The following FAM133A variants were observed in gnomAD, a reference collection of about 807,000 sequenced individuals.
FAM133A encodes family with sequence similarity 133 member A, also known as protein FAM133A.
For missense variants in FAM133A, 159 were observed against 164.4 expected (o/e 0.97, Z 0.18); for synonymous variants, 65 against 58.6 (o/e 1.11, Z -0.50).
rs1374566355 is a variant in FAM133A, at chrX:93,709,835, A to G, written c.416A>G (p.Tyr139Cys). 3 of 1,202,438 alleles carry G rather than the reference A, an allele frequency of 2.5e-6. No homozygotes were observed. The East Asian group carries it at 8.9e-5, about 36-fold the overall frequency. Residue 139 changes from tyrosine (Y) to cysteine (C), a missense_variant, in exon 4 of 4, where the codon TAC (tyrosine) becomes TGC (cysteine). Transcript: ENST00000683942. ...KRRKKKKNRSYKSSQSSTHES... is the reference protein window; with the variant it reads ...KRRKKKKNRSCKSSQSSTHES... ...AGAAAGAAAAAGAAGAACCGTTCAT[A>G]CAAATCATCCCAAAGCTCTACGCAT...
chrX:93,702,059 C>T (rs965524115), intron 3 of FAM133A, among the ~76,000 whole-genome samples: 32 of 111,701 alleles, frequency 2.9e-4, no homozygotes, highest in African/African-American at 1.0e-3. Flanking sequence ...TTAAATAATT[C>T]CTGTCGCGTG....
At chrX:93,700,186 G>C (rs1371494425) in intron 3 of FAM133A, among the ~76,000 whole-genome samples, 1 of 109,817 alleles carries the variant, frequency 9.1e-6, no homozygotes, top group Non-Finnish European at 1.9e-5. Context: ...TTATCTGCCT[G>C]TTTTTTCATT....
chrX:93,709,385 C>T lies in FAM133A; in HGVS notation c.-35C>T. The T allele has an allele frequency of 9.1e-7, 1 of 1,094,509 alleles. No individual in the cohort carries two copies. The allele number at this position is 1,094,509 out of a possible 1,213,427, so 90.2% of individuals were successfully genotyped here. On this transcript the variant is annotated 5_prime_UTR_variant, in exon 4 of 4. Transcript: ENST00000683942. ...GAGTATCTATCTTTGTTCTCCTTGGCAACTGAGAGTCTGCCCTTGGAAACA... is the reference window on the plus strand; with the variant it reads ...GAGTATCTATCTTTGTTCTCCTTGGTAACTGAGAGTCTGCCCTTGGAAACA...
chrX:93,699,913 T>C (rs967573656), intron 3 of FAM133A, among the ~76,000 whole-genome samples: 32 of 111,226 alleles, frequency 2.9e-4, no homozygotes, highest in African/African-American at 9.8e-4. Context: ...TTGGAGTTTT[T>C]ATACCATGAG....
rs1238263088 is a variant in FAM133A, at chrX:93,709,905, G to A, written c.486G>A (p.Lys162=). 2 of 1,193,924 alleles carry A rather than the reference G, an allele frequency of 1.7e-6. No homozygotes were observed. Among genetic ancestry groups the A allele is most frequent in the Non-Finnish European group, 2.3e-6 (2 of 888,665 alleles). The stretch of plus-strand genomic sequence containing the variant: ...AGGAGTCTGTAAAAAAGAAAAAGAA[G>A]TCAAAGGATGAAACAGAGAAAGAAA... ...ESKESVKKKK[K]SKDETEKEKD... The change falls in exon 4 of 4, where the codon AAG becomes AAA. Residue 162 remains lysine, a synonymous_variant. Coordinates refer to ENST00000683942, the MANE Select transcript of FAM133A (RefSeq NM_001171109.2).
chrX:93,699,901 T>C (rs1000693466), intron 3 of FAM133A, among the ~76,000 whole-genome samples: 1 of 111,239 alleles, frequency 9.0e-6, no homozygotes, highest in African/African-American at 3.3e-5. Flanking sequence ...TTAGCAGTTT[T>C]ATTGGAGTTT....
intron 3 of FAM133A, among the ~76,000 whole-genome samples, chrX:93,702,124 A>G (rs999283521): frequency 8.9e-6 from 1 of 112,001 alleles, no homozygotes; most frequent in African/African-American, 3.2e-5. Flanking sequence ...AACATTTTAC[A>G]TATTTTGTAG....
intron 2 of FAM133A, among the ~76,000 whole-genome samples, chrX:93,683,214 T>C (rs1304120243): frequency 8.9e-6 from 1 of 112,049 alleles, no homozygotes; most frequent in African/African-American, 3.2e-5. Flanking sequence ...AAAATGTCTG[T>C]TTATTTAACC....
chrX:93,694,713 C>T (rs1351866705), intron 2 of FAM133A, among the ~76,000 whole-genome samples: 3 of 110,402 alleles, frequency 2.7e-5, no homozygotes, highest in Non-Finnish European at 5.7e-5. Context: ...TATTCTAGTC[C>T]CTATCTCAAT....
intron 3 of FAM133A, among the ~76,000 whole-genome samples, chrX:93,708,865 G>A (rs370747270): frequency 4.5e-5 from 5 of 111,718 alleles, no homozygotes; most frequent in East Asian, 2.8e-4. Flanking sequence ...GGATTTGACC[G>A]TTGAGGGAGA....
chrX:93,697,960 T>A (rs1419790353), intron 2 of FAM133A, among the ~76,000 whole-genome samples: 1 of 111,475 alleles, frequency 9.0e-6, no homozygotes, highest in Non-Finnish European at 1.9e-5. Context: ...CTTTATTAGG[T>A]TTAAAGCACT....
chrX:93,699,684 T>G (rs1328206839), intron 3 of FAM133A, among the ~76,000 whole-genome samples: 2 of 111,517 alleles, frequency 1.8e-5, no homozygotes, highest in African/African-American at 6.5e-5. Flanking sequence ...ATCATTTCGT[T>G]CTATTTTCTT....
intron 2 of FAM133A, among the ~76,000 whole-genome samples, chrX:93,688,373 C>G (rs190224385): frequency 8.1e-5 from 9 of 110,531 alleles, no homozygotes; most frequent in African/African-American, 2.6e-4. Flanking sequence ...TTCACTGGTC[C>G]CCGAATCACT....
chrX:93,705,931 T>C (rs1239149510), intron 3 of FAM133A, among the ~76,000 whole-genome samples: 1 of 112,052 alleles, frequency 8.9e-6, no homozygotes. Context: ...CATGGTTGCC[T>C]TCTTATCTCT....
At position 93,700,864 on chromosome X, in the gene FAM133A, G is replaced by T. The variant is rs187638809; in HGVS notation, c.-104+2379G>T. Among the ~76,000 whole-genome samples the T allele has an allele frequency of 6.5e-4, 73 of 111,497 alleles. 1 individual carries two copies. The East Asian group carries it at 0.016, about 24-fold the overall frequency. ...TCAGAAATACATTAAAAAAATTTAT[G>T]TGGGGGTGGCAGTTTGCAGAAGGCA... On this transcript the variant is annotated intron_variant, in intron 3 of 3. Coordinates refer to ENST00000683942, the MANE Select transcript of FAM133A (RefSeq NM_001171109.2).
chrX:93,678,253 A>C (rs1320402563), intron 2 of FAM133A, among the ~76,000 whole-genome samples: 1 of 111,848 alleles, frequency 8.9e-6, no homozygotes, highest in Non-Finnish European at 1.9e-5. Context: ...AGTTCTTTAT[A>C]TACTCTGGAT....
At chrX:93,677,899 G>T (rs1477333658) in intron 2 of FAM133A, among the ~76,000 whole-genome samples, 1 of 111,748 alleles carries the variant, frequency 8.9e-6, no homozygotes, top group Non-Finnish European at 1.9e-5. Flanking sequence ...ATGGACATAT[G>T]TTTTAATTTC....
intron 3 of FAM133A, among the ~76,000 whole-genome samples, chrX:93,699,342 T>C (rs886271183): frequency 9.0e-6 from 1 of 111,485 alleles, no homozygotes; most frequent in East Asian, 2.8e-4. Flanking sequence ...GCATTACCAC[T>C]ATTCATACTG....
chrX:93,693,360 A>C (rs1188609512), intron 2 of FAM133A, among the ~76,000 whole-genome samples: 1 of 110,770 alleles, frequency 9.0e-6, no homozygotes, highest in Non-Finnish European at 1.9e-5. Flanking sequence ...TGAGAGAGAG[A>C]GAGAGAGTGT....
Sources: gnomAD v4.1 joint callset for allele counts (sites outside exome capture counted in the v4.1 genomes callset) on GRCh38, gnomAD v4.1.1 for gene constraint, MANE v1.5 for transcripts, NCBI Gene and HGNC (gene_info 2026-07-23, HGNC 2026-07-21) for gene names.